The following SACS variants were observed in gnomAD, a reference collection of about 807,000 sequenced individuals.
SACS encodes the protein sacsin molecular chaperone, also known as sacsin.
SACS carries 197 observed loss-of-function variants against 348.0 expected under a neutral mutation model. That is an observed-to-expected ratio of 0.57 (90% CI 0.50 to 0.64). The LOEUF is 0.64. SACS is among the 30% of genes least tolerant of loss of function. The probability of loss-of-function intolerance (pLI) is 0.00; values close to 1 mark genes in which losing one functional copy is unlikely to be tolerated. For missense variants in SACS, 4,999 were observed against 5,360.8 expected (o/e 0.93, Z 2.11); for synonymous variants, 1,985 against 1,910.6 (o/e 1.04, Z -1.02).
chr13:23,381,733 T>C (rs1872067011), intron 2 of SACS, among the ~76,000 whole-genome samples: 1 of 152,188 alleles, frequency 6.6e-6, no homozygotes, highest in Admixed American at 6.5e-5. Flanking sequence ...TATCATATTG[T>C]ATTTTTACTA....
At chr13:23,392,490 A>C (rs1872563747) in intron 2 of SACS, among the ~76,000 whole-genome samples, 1 of 152,214 alleles carries the variant, frequency 6.6e-6, no homozygotes. Flanking sequence ...TCCAATGACT[A>C]GGCTTTGTGT....
In SACS at chr13:23,333,177, C is replaced by T. The variant is rs886050078; in HGVS notation, c.10699G>A (p.Glu3567Lys). ...TGATTTTTGGGTTTTATAAGTTGTT[C>T]CAATTTCTTAAAGAAATCATTAGGA... ...FIPNDFFKKL[E>K]QLIKPKNHVT... The change falls in exon 10 of 10, where the codon GAA (glutamate) becomes AAA (lysine). Residue 3567 changes from glutamate (E) to lysine (K), a missense_variant. Glu to Lys is a moderately conservative substitution (Grantham distance 56). Transcript: ENST00000382292. The T allele has an allele frequency of 8.1e-6, 13 of 1,604,914 alleles. No homozygotes were observed. Among genetic ancestry groups the T allele is most frequent in the African/African-American group, 1.3e-5 (1 of 74,340 alleles).
intron 1 of SACS, among the ~76,000 whole-genome samples, chr13:23,414,230 G>A (rs76202007): frequency 4.9e-4 from 75 of 152,218 alleles, no homozygotes; most frequent in Non-Finnish European, 9.7e-4. Context: ...TGTGAACCCG[G>A]AAGGCGGAGC....
rs768511801 is a variant in SACS, at chr13:23,332,996, A to C, written c.10880T>G (p.Ile3627Ser). ...SKETLQNTVD[I>S]LLHHIFQERM... is the part of the protein sequence containing the mutation. Reference sequence around the variant, plus strand: ...TTCTTGGAATATATGATGCAGAAGGATATCAACTGTATTTTGCAATGTTTC... The same window carrying C: ...TTCTTGGAATATATGATGCAGAAGGCTATCAACTGTATTTTGCAATGTTTC... Residue 3627 changes from isoleucine to serine, a missense_variant, in exon 10 of 10, where the codon ATC becomes AGC. Ile to Ser is a moderately radical substitution (Grantham distance 142). Around this residue, in one of 6 missense-constraint regions of SACS, gnomAD observed 831 missense variants for 941.8 expected, o/e 0.88. Transcript: ENST00000382292. The C allele has an allele frequency of 1.6e-5, 26 of 1,613,820 alleles. No individual in the cohort carries two copies. Among genetic ancestry groups the C allele is most frequent in the Admixed American group, 8.3e-5 (5 of 59,980 alleles).
At chr13:23,375,084 C>T (rs1227287995) in intron 3 of SACS, 35 bp downstream of exon 3, 2 of 1,454,224 alleles carry the variant, frequency 1.4e-6, no homozygotes, top group Non-Finnish European at 1.8e-6. Flanking sequence ...CTCCGCGTGG[C>T]GGAGCCCAGC....
chr13:23,414,688 CATTT>C (rs1465581194), intron 1 of SACS, among the ~76,000 whole-genome samples: 1 of 152,208 alleles, frequency 6.6e-6, no homozygotes, highest in Non-Finnish European at 1.5e-5. Flanking sequence ...GGCAATGATA[CATTT>C]ATTACAAAAA....
At chr13:23,396,415 A>G (rs1343610039) in intron 2 of SACS, among the ~76,000 whole-genome samples, 4 of 152,106 alleles carry the variant, frequency 2.6e-5, no homozygotes, top group African/African-American at 4.8e-5. Flanking sequence ...AGCTCATATG[A>G]TTTGAGTAAA....
At position 23,411,978 on chromosome 13, in the gene SACS, G is replaced by C. The variant is rs558630378; in HGVS notation, c.-501-238C>G. Among the ~76,000 whole-genome samples, 29 of 152,300 alleles carry C rather than the reference G, an allele frequency of 1.9e-4. No homozygotes were observed. In the South Asian group the frequency reaches 6.0e-3, roughly 32 times the overall value. On this transcript the variant is annotated intron_variant, in intron 1 of 9. Coordinates refer to ENST00000382292, the MANE Select transcript of SACS (RefSeq NM_014363.6). The stretch of plus-strand genomic sequence containing the variant: ...CAGCTACAGAAATTAAAAGTACATC[G>C]GCCGGGCGCGGTGGCTCACGCCTGT...
Position 23,334,113 on chromosome 13 carries a change from C to A in SACS, c.9763G>T (p.Val3255Leu). ...KNAWHFISES[V>L]SVKEDQEETK... ...TCTTCCTGATCTTCTTTCACACTTACAGATTCACTAATAAAATGCCATGCA... is the reference window on the plus strand; with the variant it reads ...TCTTCCTGATCTTCTTTCACACTTAAAGATTCACTAATAAAATGCCATGCA... The change falls in exon 10 of 10, where the codon GTA becomes TTA. Residue 3255 changes from valine to leucine, a missense_variant. Val to Leu is a conservative substitution (Grantham distance 32, BLOSUM62 1). Transcript: ENST00000382292. The A allele has an allele frequency of 6.2e-7, 1 of 1,613,808 alleles. No homozygotes were observed. The highest frequency in any genetic ancestry group is 8.5e-7 in the Non-Finnish European group (1 of 1,179,792).
rs368144863 is a variant in SACS at position 23,411,188 on chromosome 13, A to T, written c.20+32T>A. 9.9e-5 allele frequency: 156 copies of T among 1,575,502 alleles called. No homozygotes were observed. The African/African-American group carries it at 1.6e-3, about 16-fold the overall frequency. ...AACAAGTCTTAAAATCCCAATGCAA[A>T]TTATTGTCATTTAAAACATTAACTC... On this transcript the variant is annotated intron_variant, in intron 2 of 9. Transcript: ENST00000382292.
Position 23,330,555 on chromosome 13 carries a change from C to G in SACS, c.13321G>C (p.Val4441Leu). 35 of 1,614,048 alleles carry G rather than the reference C, an allele frequency of 2.2e-5. No individual in the cohort carries two copies. The highest frequency in any genetic ancestry group is 3.0e-5 in the Non-Finnish European group (35 of 1,179,960). Residue 4441 changes from valine (V) to leucine (L), a missense_variant, in exon 10 of 10, where the codon GTT becomes CTT. Physicochemically the swap from Val to Leu is conservative, Grantham distance 32 (BLOSUM62 1). Coordinates refer to ENST00000382292, the MANE Select transcript of SACS (RefSeq NM_014363.6). Reference sequence around the variant, plus strand: ...CTGCGTGCTTCCACTGGATTGCCAACCGACTTGAAAGTGGGAGGAACAAAG... The same window carrying G: ...CTGCGTGCTTCCACTGGATTGCCAAGCGACTTGAAAGTGGGAGGAACAAAG... ...RFFVPPTFKS[V>L]GNPVEARRWL...
In SACS at chr13:23,333,473, C is replaced by T; in HGVS notation, c.10403G>A (p.Cys3468Tyr). The T allele has an allele frequency of 6.2e-7, 1 of 1,612,934 alleles. No homozygotes were observed. Among genetic ancestry groups the T allele is most frequent in the Non-Finnish European group, 8.5e-7 (1 of 1,179,204 alleles). ...HLKELYEVIG[C>Y]VPVDDLEVYL... is the part of the protein sequence containing the mutation. ...TACCTCAAGATCATCTACAGGTACA[C>T]AACCAATCACCTCATATAGTTCTTT... The change falls in exon 10 of 10, where the codon TGT (cysteine) becomes TAT (tyrosine). Residue 3468 changes from cysteine (C) to tyrosine (Y), a missense_variant. Around this residue, in one of 6 missense-constraint regions of SACS, gnomAD observed 734 missense variants for 694.0 expected, o/e 1.06. Coordinates refer to ENST00000382292, the MANE Select transcript of SACS (RefSeq NM_014363.6).
intron 2 of SACS, among the ~76,000 whole-genome samples, chr13:23,397,620 T>G (rs1409021188): frequency 6.6e-6 from 1 of 152,246 alleles, no homozygotes; most frequent in Non-Finnish European, 1.5e-5. Flanking sequence ...ACCTTTACCA[T>G]GTCCTTGGCA....
At position 23,337,144 on chromosome 13, in the gene SACS, G is replaced by A. The variant is rs1267521367; in HGVS notation, c.6732C>T (p.Asp2244=). 2 of 1,613,862 alleles carry A rather than the reference G, an allele frequency of 1.2e-6. No individual in the cohort carries two copies. The highest frequency in any genetic ancestry group is 2.2e-5 in the East Asian group (1 of 44,876). ...FKPETMFAAT[D]LYTAEHQDIV... Reference sequence around the variant, plus strand: ...TATCTTGATGTTCAGCTGTATAAAGGTCAGTTGCTGCAAACATGGTTTCAG... The same window carrying A: ...TATCTTGATGTTCAGCTGTATAAAGATCAGTTGCTGCAAACATGGTTTCAG... The change falls in exon 10 of 10, where the codon GAC becomes GAT. Residue 2244 remains aspartate (D), a synonymous_variant. Transcript: ENST00000382292.
In SACS at chr13:23,342,284, G is replaced by A. The variant is rs537552167; in HGVS notation, c.2186-594C>T. Among the ~76,000 whole-genome samples the A allele has an allele frequency of 2.5e-3, 377 of 152,182 alleles. 1 individual carries two copies. Among genetic ancestry groups the A allele is most frequent in the African/African-American group, 8.6e-3 (358 of 41,518 alleles). ...AATGCATTTAAATATGTTTTTTAAA[G>A]TATCCTATAATGTTCTGCAAATGAA... is the stretch of plus-strand genomic sequence containing the variant. On this transcript the variant is annotated intron_variant, in intron 9 of 9. Coordinates refer to ENST00000382292, the MANE Select transcript of SACS (RefSeq NM_014363.6).
intron 1 of SACS, among the ~76,000 whole-genome samples, chr13:23,421,910 G>A (rs1873963491): frequency 6.6e-6 from 1 of 151,924 alleles, no homozygotes; most frequent in Admixed American, 6.6e-5. Flanking sequence ...AGTGGGGCCT[G>A]GTGTTCAACG....
At chr13:23,427,525 T>A (rs892028592) in intron 1 of SACS, 1 of 152,092 alleles carries the variant, frequency 6.6e-6, no homozygotes, top group Non-Finnish European at 1.5e-5. Flanking sequence ...ATTTAAGGAG[T>A]AGGAAGATAA....
At position 23,411,458 on chromosome 13, in the gene SACS, T is replaced by C. The variant is rs74495070; in HGVS notation, c.-219A>G. 0.011 allele frequency: 6,398 copies of C among 587,426 alleles called. 53 individuals are homozygous for C. Among genetic ancestry groups the C allele is most frequent in the Non-Finnish European group, 0.014 (4,492 of 331,596 alleles). 36.4% of individuals were successfully genotyped at this position (587,426 alleles called of 1,614,324 possible). On this transcript the variant is annotated 5_prime_UTR_variant, in exon 2 of 10. Coordinates refer to ENST00000382292, the MANE Select transcript of SACS (RefSeq NM_014363.6). Reference sequence around the variant, plus strand: ...ATTTGTATTCCTTAAAGTATGACTCTCCAGTCTGATAATGGTTGCCTGCTG... The same window carrying C: ...ATTTGTATTCCTTAAAGTATGACTCCCCAGTCTGATAATGGTTGCCTGCTG...
chr13:23,364,450 T>G (rs1870937872), intron 6 of SACS, among the ~76,000 whole-genome samples: 1 of 152,128 alleles, frequency 6.6e-6, no homozygotes. Context: ...CCAGCTAATT[T>G]TTATATTTTT....
Sources: gnomAD v4.1 joint callset for allele counts (sites outside exome capture counted in the v4.1 genomes callset) on GRCh38, gnomAD v4.1.1 for gene constraint, gnomAD v4.1.1 regional missense constraint, MANE v1.5 for transcripts, NCBI Gene and HGNC (gene_info 2026-07-23, HGNC 2026-07-21) for gene names.